ARHGEF12: variants seen among roughly 807,000 people sequenced by gnomAD.
ARHGEF12 encodes Rho guanine nucleotide exchange factor 12.
A neutral mutation model predicts 211.2 loss-of-function variants in ARHGEF12; 66 were observed. The observed-to-expected ratio is 0.31, with a 90% CI of 0.26 to 0.38. The LOEUF is 0.38. Ranked by LOEUF, ARHGEF12 falls within the 10% of genes least tolerant of loss-of-function variation. The probability of loss-of-function intolerance (pLI) is 1.00; values close to 1 mark genes in which losing one functional copy is unlikely to be tolerated. For synonymous variants in ARHGEF12, 592 were observed against 638.4 expected (o/e 0.93, Z 1.09); for missense variants, 1,429 against 1,869.5 (o/e 0.76, Z 4.34).
At chr11:120,366,143 C>G (rs1354375212) in intron 1 of ARHGEF12, among the ~76,000 whole-genome samples, 3 of 152,110 alleles carry the variant, frequency 2.0e-5, no homozygotes, top group Non-Finnish European at 2.9e-5. Flanking sequence ...GTGGGGCCAG[C>G]TGTTTGGGAG....
At chr11:120,430,204 TACA>T (rs1171402385) in intron 10 of ARHGEF12, among the ~76,000 whole-genome samples, 2 of 152,104 alleles carry the variant, frequency 1.3e-5, no homozygotes, top group African/African-American at 4.8e-5. Context: ...TTTAAGAATT[TACA>T]ACAACAGGCA....
chr11:120,386,334 G>A (rs540640413), intron 1 of ARHGEF12, among the ~76,000 whole-genome samples: 2 of 152,176 alleles, frequency 1.3e-5, no homozygotes, highest in South Asian at 4.2e-4. Context: ...TTATTTTCTT[G>A]TGGACAGAAA....
chr11:120,477,390 T>C lies in ARHGEF12; in HGVS notation c.3453-57T>C, dbSNP rs148444196. On this transcript the variant is annotated intron_variant, in intron 35 of 40. Coordinates refer to ENST00000397843, the MANE Select transcript of ARHGEF12 (RefSeq NM_015313.3). Reference sequence around the variant, plus strand: ...GGATAATTATTATGTTTTGTTGCGATGATGTTTAGATACCTCAGGAAGGTA... The same window carrying C: ...GGATAATTATTATGTTTTGTTGCGACGATGTTTAGATACCTCAGGAAGGTA... 2,181 of 1,599,874 alleles carry C rather than the reference T, an allele frequency of 1.4e-3. 25 individuals carry two copies. In the African/African-American group the frequency reaches 0.024, roughly 18 times the overall value.
chr11:120,431,764 G>A lies in ARHGEF12; in HGVS notation c.784-7G>A, dbSNP rs766821116. 3 of 1,583,648 alleles carry A rather than the reference G, an allele frequency of 1.9e-6. No individual in the cohort carries two copies. In the African/African-American group the frequency reaches 4.1e-5, roughly 22 times the overall value. ...GTGTGCGCGTGTTTTTCTTTCATCT[G>A]TTTTAGGATGGAGCTGTAGTTACAC... On this transcript the variant is annotated splice_region_variant and splice_polypyrimidine_tract_variant and intron_variant, in intron 10 of 40. Transcript: ENST00000397843.
rs762407733 is a variant in ARHGEF12, at chr11:120,420,837, A to T, written c.284A>T (p.Gln95Leu). The change falls in exon 5 of 41, where the codon CAG (glutamine) becomes CTG (leucine). Residue 95 changes from glutamine (Q) to leucine (L), a missense_variant. By Grantham distance (113) the Gln-to-Leu change is moderately radical. Transcript: ENST00000397843. ...AGTGGAGACAATCCAGTCTTCGTAC[A>T]GTCTGTCAAAGAAGGCAAGGCATTT... Reference protein sequence around the residue: ...TVSGDNPVFVQSVKEDGAAMR... With the variant: ...TVSGDNPVFVLSVKEDGAAMR... 2.5e-6 allele frequency: 4 copies of T among 1,613,974 alleles called. No homozygotes were observed. Among genetic ancestry groups the T allele is most frequent in the Non-Finnish European group, 3.4e-6 (4 of 1,179,876 alleles).
chr11:120,432,003 G>A (rs1219193556), intron 11 of ARHGEF12, 92 bp downstream of exon 11: 1 of 1,256,116 alleles, frequency 8.0e-7, no homozygotes, highest in African/African-American at 1.5e-5. Flanking sequence ...AATTAGAGGT[G>A]TCTTAGCACT....
intron 30 of ARHGEF12, among the ~76,000 whole-genome samples, chr11:120,472,155 A>G (rs1946887211): frequency 2.0e-5 from 3 of 152,212 alleles, no homozygotes; most frequent in South Asian, 4.1e-4. Flanking sequence ...GAATACGTAT[A>G]TGAATGTATT....
At chr11:120,427,046 T>G (rs1211501376) in intron 7 of ARHGEF12, among the ~76,000 whole-genome samples, 1 of 151,962 alleles carries the variant, frequency 6.6e-6, no homozygotes, top group African/African-American at 2.4e-5. Context: ...CCGGCTAATT[T>G]TTTGTATTTT....
At position 120,440,214 on chromosome 11, in the gene ARHGEF12, A is replaced by G. The variant is rs1239404525; in HGVS notation, c.1085A>G (p.His362Arg). The G allele has an allele frequency of 6.2e-7, 1 of 1,612,166 alleles. No homozygotes were observed. Among genetic ancestry groups the G allele is most frequent in the Non-Finnish European group, 8.5e-7 (1 of 1,178,670 alleles). ...GAAGATGATGATTTTGGTACTGAAC[A>G]TGAACAGGTGATGACTTTTTTCTTT... is the stretch of plus-strand genomic sequence containing the variant. ...GAEDDDFGTE[H>R]EQINGQCSCF... is the part of the protein sequence containing the mutation. Residue 362 changes from histidine (H) to arginine (R), a missense_variant, in exon 13 of 41, where the codon CAT becomes CGT. Physicochemically the swap from His to Arg is conservative, Grantham distance 29. Coordinates refer to ENST00000397843, the MANE Select transcript of ARHGEF12 (RefSeq NM_015313.3).
chr11:120,423,021 A>G (rs1749462760), intron 6 of ARHGEF12, among the ~76,000 whole-genome samples: 1 of 152,206 alleles, frequency 6.6e-6, no homozygotes, highest in South Asian at 2.1e-4. Context: ...CGTATCACAG[A>G]CCAGATATCC....
intron 32 of ARHGEF12, 101 bp from the exon 33 acceptor site, chr11:120,475,239 G>T: frequency 8.9e-7 from 1 of 1,128,046 alleles, no homozygotes. Context: ...AAATTTTGTA[G>T]CTTTAACAGA....
chr11:120,364,311 T>C (rs1943363774), intron 1 of ARHGEF12, among the ~76,000 whole-genome samples: 1 of 152,208 alleles, frequency 6.6e-6, no homozygotes, highest in Non-Finnish European at 1.5e-5. Context: ...AACGATCTAC[T>C]GCTACAAGAG....
chr11:120,383,572 G>A (rs541980045), intron 1 of ARHGEF12, among the ~76,000 whole-genome samples: 1 of 152,234 alleles, frequency 6.6e-6, no homozygotes, highest in East Asian at 1.9e-4. Context: ...CATAAGGAGT[G>A]TGCAACCTAG....
intron 30 of ARHGEF12, among the ~76,000 whole-genome samples, chr11:120,471,073 A>G (rs887210144): frequency 2.0e-5 from 3 of 152,220 alleles, no homozygotes; most frequent in African/African-American, 7.2e-5. Context: ...AGGAACACCA[A>G]TCATAAGCAA....
intron 1 of ARHGEF12, among the ~76,000 whole-genome samples, chr11:120,359,829 A>G (rs1943232459): frequency 6.6e-6 from 1 of 152,240 alleles, no homozygotes; most frequent in Admixed American, 6.5e-5. Flanking sequence ...AGGGGAGTAC[A>G]TTATAAAGGA....
intron 11 of ARHGEF12, among the ~76,000 whole-genome samples, chr11:120,432,922 TTTG>T (rs748554514): frequency 4.3e-4 from 65 of 152,254 alleles, no homozygotes; most frequent in Non-Finnish European, 7.9e-4. Flanking sequence ...TTTGTTTTGT[TTTG>T]TTTTGTTTTT....
chr11:120,349,714 AAGAG>A (rs1003912247), intron 1 of ARHGEF12, among the ~76,000 whole-genome samples: 4 of 152,202 alleles, frequency 2.6e-5, no homozygotes, highest in Admixed American at 6.5e-5. Flanking sequence ...AGCACATCGT[AAGAG>A]AGAGCTCAGT....
chr11:120,477,183 T>G, intron 34 of ARHGEF12, 36 bp from the exon 35 acceptor site: 1 of 1,597,050 alleles, frequency 6.3e-7, no homozygotes, highest in South Asian at 1.1e-5. Context: ...TCTTTTTTCT[T>G]TTTTGTATTT....
chr11:120,439,320 A>G (rs986732359), intron 12 of ARHGEF12: 5 of 152,134 alleles, frequency 3.3e-5, no homozygotes, highest in African/African-American at 1.2e-4. Flanking sequence ...TGTTTGTGAG[A>G]TTACTTGATG....
Sources: gnomAD v4.1 joint callset for allele counts (sites outside exome capture counted in the v4.1 genomes callset) on GRCh38, gnomAD v4.1.1 for gene constraint, MANE v1.5 for transcripts, NCBI Gene and HGNC (gene_info 2026-07-23, HGNC 2026-07-21) for gene names.